Variants in AGO1 observed in about 807,000 individuals in gnomAD.
AGO1 encodes the protein argonaute RISC component 1.
A neutral mutation model predicts 109.2 loss-of-function variants in AGO1; 11 were observed. The ratio of observed to expected loss-of-function variants is 0.10; its 90% CI spans 0.06 to 0.17. The LOEUF is 0.17. AGO1 is among the 10% of genes least tolerant of loss of function. The pLI, the probability that AGO1 is intolerant of heterozygous loss-of-function variation, is 1.00. For synonymous variants in AGO1, 422 were observed against 418.6 expected, an observed-to-expected ratio of 1.01 and a Z score of -0.10; for missense variants, 574 against 1,140.3, an observed-to-expected ratio of 0.50 and a Z score of 7.15.
intron 2 of AGO1, among the ~76,000 whole-genome samples, chr1:35,890,746 T>C (rs972380890): frequency 1.3e-5 from 2 of 152,196 alleles, no homozygotes; most frequent in African/African-American, 4.8e-5. Context: ...TTGTATCAAC[T>C]TATACTCCCA....
intron 3 of AGO1, 105 bp from the exon 4 acceptor site, chr1:35,892,992 G>A (rs1396173524): frequency 4.3e-6 from 5 of 1,161,668 alleles, no homozygotes; most frequent in East Asian, 2.6e-5. Context: ...TTCATTATGA[G>A]CCCCTATCAA....
At position 35,884,409 on chromosome 1, in the gene AGO1, G is replaced by C. The variant is rs114696711; in HGVS notation, c.25+963G>C. On this transcript the variant is annotated intron_variant, in intron 1 of 18. Coordinates refer to ENST00000373204, the MANE Select transcript of AGO1 (RefSeq NM_012199.5). ...GCTACCTGGAAGGAGTTGTCTGCTT[G>C]GTTTGCAAGTTTCTGCTCCAATACT... Among the ~76,000 whole-genome samples, 993 of 152,212 alleles carry C rather than the reference G, an allele frequency of 6.5e-3. 9 individuals carry two copies. Among genetic ancestry groups the C allele is most frequent in the African/African-American group, 0.023 (945 of 41,512 alleles).
intron 15 of AGO1, 79 bp from the exon 16 acceptor site, chr1:35,917,514 C>A: frequency 6.9e-7 from 1 of 1,452,152 alleles, no homozygotes. Context: ...CAAGTGGCAA[C>A]TCCTTAGTTC....
chr1:35,883,299 C>A lies in AGO1; in HGVS notation c.-123C>A. On this transcript the variant is annotated 5_prime_UTR_variant, in exon 1 of 19. Coordinates refer to ENST00000373204, the MANE Select transcript of AGO1 (RefSeq NM_012199.5). The surrounding 1 kb of genome is among the most constrained non-coding windows in gnomAD (Gnocchi z 5.4). ...CTGCGGGGGCGGCGGCGCGAGCGGC[C>A]GGGCTTGGTAGGGGAGCCGAGCCCG... 3 of 1,445,360 alleles carry A rather than the reference C, an allele frequency of 2.1e-6. No homozygotes were observed. The highest frequency in any genetic ancestry group is 9.1e-7 in the Non-Finnish European group (1 of 1,103,016). The allele number at this position is 1,445,360 out of a possible 1,614,324, so 89.5% of individuals were successfully genotyped here.
chr1:35,910,795 T>G (rs1255494199), intron 12 of AGO1, among the ~76,000 whole-genome samples: 1 of 152,218 alleles, frequency 6.6e-6, no homozygotes, highest in Non-Finnish European at 1.5e-5. Context: ...CTGGGTGCAG[T>G]GACTCGTGCC....
intron 12 of AGO1, among the ~76,000 whole-genome samples, chr1:35,909,595 AT>A (rs1311928306): frequency 6.6e-6 from 1 of 152,020 alleles, no homozygotes; most frequent in Non-Finnish European, 1.5e-5. Context: ...AATACTACTT[AT>A]TTTTTATTCT....
chr1:35,869,864 T>A (rs1644932969), exon 1 of AGO1: 1 of 152,154 alleles, frequency 6.6e-6, no homozygotes, highest in African/African-American at 2.4e-5. Context: ...GAGCCTTTTA[T>A]CCTGAGGACA....
Position 35,901,805 on chromosome 1 carries a change from C to T in AGO1, c.1141-143C>T. 1.5e-6 allele frequency: 2 copies of T among 1,333,404 alleles called. No homozygotes were observed. The highest frequency in any genetic ancestry group is 2.1e-6 in the Non-Finnish European group (2 of 971,790). 82.6% of individuals were successfully genotyped at this position (1,333,404 alleles called of 1,614,324 possible). A position where few individuals can be genotyped will look rare whatever the true frequency, so the allele number is the denominator to read the frequency against. ...CTTTGCTGTGTTATTCCCTCACTTC[C>T]CTCATCTTCCACTTTCTCTCTCTTT... is the stretch of plus-strand genomic sequence containing the variant. On this transcript the variant is annotated intron_variant, in intron 9 of 18. Transcript: ENST00000373204. The surrounding 1 kb of genome is among the most constrained non-coding windows in gnomAD (Gnocchi z 4.8).
chr1:35,906,425 A>G (rs1044107532), intron 11 of AGO1, among the ~76,000 whole-genome samples: 1 of 152,156 alleles, frequency 6.6e-6, no homozygotes, highest in Non-Finnish European at 1.5e-5. Flanking sequence ...CCTTGCTTGT[A>G]CCATCGAACA....
intron 1 of AGO1, chr1:35,873,192 A>G (rs1322991733): frequency 6.6e-6 from 1 of 152,076 alleles, no homozygotes; most frequent in Non-Finnish European, 1.5e-5. Context: ...CCCAACTTAC[A>G]TGCTGTTGAC....
rs1317511757 is a variant in AGO1 at position 35,927,890 on chromosome 1, G to A, written c.*8283G>A. On this transcript the variant is annotated 3_prime_UTR_variant, in exon 19 of 19. Transcript: ENST00000373204. Reference sequence around the variant, plus strand: ...ATATTGTATCTTGCTAGAGTATAAAGTAACTTACTTTCTACCTTGTAGAAA... The same window carrying A: ...ATATTGTATCTTGCTAGAGTATAAAATAACTTACTTTCTACCTTGTAGAAA... The A allele has an allele frequency of 1.3e-5, 2 of 152,188 alleles. No individual in the cohort carries two copies. Among genetic ancestry groups the A allele is most frequent in the East Asian group, 1.9e-4 (1 of 5,194 alleles). The allele number at this position is 152,188 out of a possible 1,614,324, so 9.4% of individuals were successfully genotyped here.
At chr1:35,891,449 C>T (rs1239586187) in intron 2 of AGO1, among the ~76,000 whole-genome samples, 1 of 151,724 alleles carries the variant, frequency 6.6e-6, no homozygotes, top group Non-Finnish European at 1.5e-5. Context: ...TTCCAGTTCA[C>T]ATCTCTTCTA....
rs1207643714 is a variant in AGO1, at chr1:35,925,603, CTG to C, written c.*5999_*6000del. On this transcript the variant is annotated 3_prime_UTR_variant, in exon 19 of 19. Transcript: ENST00000373204. Reference sequence around the variant, plus strand: ...AATATAATTGAAATAGGCTAGTAGTCTGTGGTTTATGAGTATGGGCTGGGTGG... The same window carrying C: ...AATATAATTGAAATAGGCTAGTAGTCTGGTTTATGAGTATGGGCTGGGTGG... 2 of 151,562 alleles carry C rather than the reference CTG, an allele frequency of 1.3e-5. No homozygotes were observed. The highest frequency in any genetic ancestry group is 4.9e-5 in the African/African-American group (2 of 41,200). 9.4% of individuals were successfully genotyped at this position (151,562 alleles called of 1,614,324 possible). A position where few individuals can be genotyped will look rare whatever the true frequency, so the allele number is the denominator to read the frequency against.
rs1252062550 is a variant in AGO1 at position 35,922,627 on chromosome 1, CCTGTCTGCCTAT to C, written c.*3021_*3032del. On this transcript the variant is annotated 3_prime_UTR_variant, in exon 19 of 19. Transcript: ENST00000373204. ...GCCTGCCTGCCTGCCTGCCTGCCTG[CCTGTCTGCCTAT>C]GTGATGATGAAATCTCTGCATGGCT... is the stretch of plus-strand genomic sequence containing the variant. 6.5e-6 allele frequency: 1 copy of C among 152,930 alleles called. No individual in the cohort carries two copies. The highest frequency in any genetic ancestry group is 1.5e-5 in the Non-Finnish European group (1 of 68,916). The allele number at this position is 152,930 out of a possible 1,614,324, so 9.5% of individuals were successfully genotyped here. A position where few individuals can be genotyped will look rare whatever the true frequency, so the allele number is the denominator to read the frequency against.
chr1:35,914,134 G>A (rs1228745328), intron 13 of AGO1, 50 bp from the exon 14 acceptor site: 2 of 1,600,814 alleles, frequency 1.2e-6, no homozygotes, highest in South Asian at 2.2e-5. Flanking sequence ...GATGGTGCCA[G>A]CTAGAGAAGA....
intron 11 of AGO1, 145 bp downstream of exon 11, chr1:35,902,482 C>T (rs1645435524): frequency 3.5e-6 from 4 of 1,129,452 alleles, no homozygotes; most frequent in Non-Finnish European, 4.7e-6. Flanking sequence ...CAAACTTCTA[C>T]CAATTCTTTT....
At chr1:35,873,056 T>G (rs1023293158) in intron 1 of AGO1, among the ~76,000 whole-genome samples, 1 of 140,830 alleles carries the variant, frequency 7.1e-6, no homozygotes, top group Admixed American at 7.6e-5. Flanking sequence ...CCTGGTTACT[T>G]GTTTTTTTTT....
rs567668044 is a variant in AGO1 at position 35,910,714 on chromosome 1, A to C, written c.1583-3128A>C. Among the ~76,000 whole-genome samples, 6 of 152,268 alleles carry C rather than the reference A, an allele frequency of 3.9e-5. No homozygotes were observed. In the East Asian group the frequency reaches 9.6e-4, roughly 24 times the overall value. On this transcript the variant is annotated intron_variant, in intron 12 of 18. Transcript: ENST00000373204. ...ATCATATGAATATAACACCATTTCC[A>C]TCTATCCATTCTGTTAATACACATA...
At position 35,920,009 on chromosome 1, in the gene AGO1, T is replaced by C. The variant is rs1644547952; in HGVS notation, c.*402T>C. On this transcript the variant is annotated 3_prime_UTR_variant, in exon 19 of 19. Coordinates refer to ENST00000373204, the MANE Select transcript of AGO1 (RefSeq NM_012199.5). The stretch of plus-strand genomic sequence containing the variant: ...CTGGTTAGGTTTGGGTTTGATACTT[T>C]AGATGGGAAAGTGAGGGGCTTGAGA... The C allele has an allele frequency of 6.1e-6, 1 of 165,220 alleles. No individual in the cohort carries two copies. The highest frequency in any genetic ancestry group is 2.4e-5 in the African/African-American group (1 of 41,862). 10.2% of individuals were successfully genotyped at this position (165,220 alleles called of 1,614,324 possible). A position where few individuals can be genotyped will look rare whatever the true frequency, so the allele number is the denominator to read the frequency against.
Sources: allele counts gnomAD v4.1 joint callset (sites outside exome capture counted in the v4.1 genomes callset), GRCh38; gene constraint gnomAD v4.1.1; non-coding constraint Gnocchi (gnomAD v3.1); transcripts MANE v1.5; gene names NCBI Gene and HGNC (gene_info 2026-07-23, HGNC 2026-07-21).